The following NDUFA10 variants were observed in gnomAD, a reference collection of about 807,000 sequenced individuals.
NDUFA10 encodes NADH:ubiquinone oxidoreductase subunit A10, also known as NADH dehydrogenase [ubiquinone] 1 alpha subcomplex subunit 10, mitochondrial.
Under a neutral mutation model 47.8 loss-of-function variants are expected in NDUFA10, and 40 were observed. The ratio of observed to expected loss-of-function variants is 0.84; its 90% CI spans 0.65 to 1.09. The LOEUF (loss-of-function observed/expected upper bound fraction) is 1.09, where lower values mean the gene tolerates loss of function less well. NDUFA10 is among the 50% of genes least tolerant of loss of function. The pLI, the probability that NDUFA10 is intolerant of heterozygous loss-of-function variation, is 0.00. For synonymous variants in NDUFA10, 183 were observed against 172.2 expected, an observed-to-expected ratio of 1.06 and a Z score of -0.49; for missense variants, 413 against 451.1, an observed-to-expected ratio of 0.92 and a Z score of 0.76.
At chr2:239,895,725 G>A (rs1015010290) in intron 4 of NDUFA10, among the ~76,000 whole-genome samples, 5 of 152,164 alleles carry the variant, frequency 3.3e-5, no homozygotes, top group Admixed American at 1.3e-4. Context: ...GAGATTACAC[G>A]ATTCCTATTT....
intron 9 of NDUFA10, among the ~76,000 whole-genome samples, chr2:239,982,449 G>A (rs528328227): frequency 6.6e-6 from 1 of 152,274 alleles, no homozygotes; most frequent in Non-Finnish European, 1.5e-5. Context: ...CTAAACCTCA[G>A]AACCTCTAAC....
chr2:239,930,136 C>T (rs1439145545), intron 4 of NDUFA10, among the ~76,000 whole-genome samples: 1 of 147,008 alleles, frequency 6.8e-6, no homozygotes, highest in Non-Finnish European at 1.5e-5. Flanking sequence ...TCCTGCTCCT[C>T]CACTGCCCCT....
intron 4 of NDUFA10, among the ~76,000 whole-genome samples, chr2:239,949,527 G>C (rs188381393): frequency 1.1e-4 from 16 of 152,166 alleles, no homozygotes; most frequent in African/African-American, 3.6e-4. Flanking sequence ...TTTTGCTTTT[G>C]TTTGTTTGTT....
chr2:239,975,635 T>C (rs537303368), intron 9 of NDUFA10, among the ~76,000 whole-genome samples: 1 of 152,344 alleles, frequency 6.6e-6, no homozygotes, highest in Non-Finnish European at 1.5e-5. Flanking sequence ...CCTGGTATTG[T>C]TACCACTGCG....
chr2:239,960,679 C>A lies in NDUFA10; in HGVS notation c.*439G>T. On this transcript the variant is annotated 3_prime_UTR_variant, in exon 10 of 10. Coordinates refer to ENST00000252711, the MANE Select transcript of NDUFA10 (RefSeq NM_004544.4). Reference sequence around the variant, plus strand: ...CCACACCAAACAGGGCCCAGAGCAGCGTGTGTGCACGTGTGCAGTTTCGAC... The same window carrying A: ...CCACACCAAACAGGGCCCAGAGCAGAGTGTGTGCACGTGTGCAGTTTCGAC... 8.9e-7 allele frequency: 1 copy of A among 1,121,166 alleles called. No individual in the cohort carries two copies. Among genetic ancestry groups the A allele is most frequent in the South Asian group, 2.3e-5 (1 of 43,992 alleles). The allele number at this position is 1,121,166 out of a possible 1,614,324, so 69.5% of individuals were successfully genotyped here. A position where few individuals can be genotyped will look rare whatever the true frequency, so the allele number is the denominator to read the frequency against.
In NDUFA10 at chr2:240,016,790, G is replaced by C. The variant is rs1423975356; in HGVS notation, c.547+1763C>G. On this transcript the variant is annotated intron_variant, in intron 4 of 9. Transcript: ENST00000252711. The surrounding 1 kb of genome is among the most constrained non-coding windows in gnomAD (Gnocchi z 4.4). ...CCAACGCCTGCAGACTCCAGCCCAG[G>C]CCAGTCCTCAGACTTCAGCAGACAC... Among the ~76,000 whole-genome samples the C allele has an allele frequency of 6.6e-6, 1 of 152,118 alleles. No homozygotes were observed. Among genetic ancestry groups the C allele is most frequent in the Non-Finnish European group, 1.5e-5 (1 of 68,002 alleles).
chr2:239,899,866 C>T (rs1292472144), intron 4 of NDUFA10, among the ~76,000 whole-genome samples: 1 of 152,008 alleles, frequency 6.6e-6, no homozygotes, highest in Non-Finnish European at 1.5e-5. Context: ...CCATCATCCA[C>T]AGTCACCAGC....
rs1011073077 is a variant in NDUFA10 at position 239,957,743 on chromosome 2, G to A, written c.*3375C>T. 1 of 152,128 alleles carries A rather than the reference G, an allele frequency of 6.6e-6. No individual in the cohort carries two copies. The highest frequency in any genetic ancestry group is 1.5e-5 in the Non-Finnish European group (1 of 68,040). 9.4% of individuals were successfully genotyped at this position (152,128 alleles called of 1,614,324 possible). A position where few individuals can be genotyped will look rare whatever the true frequency, so the allele number is the denominator to read the frequency against. On this transcript the variant is annotated 3_prime_UTR_variant, in exon 10 of 10. Coordinates refer to ENST00000252711, the MANE Select transcript of NDUFA10 (RefSeq NM_004544.4). ...CTCTGAGAACAGCACCACTCTTTTGGGGACAAGTCCATCACTGGAGCTCCC... is the reference window on the plus strand; with the variant it reads ...CTCTGAGAACAGCACCACTCTTTTGAGGACAAGTCCATCACTGGAGCTCCC...
At chr2:239,992,258 A>G (rs149678135) in intron 8 of NDUFA10, among the ~76,000 whole-genome samples, 31 of 152,370 alleles carry the variant, frequency 2.0e-4, no homozygotes, top group Non-Finnish European at 4.4e-4. Flanking sequence ...TAATATCATA[A>G]GTCACTGTCT....
rs763522660 is a variant in NDUFA10, at chr2:240,021,325, T to C, written c.332A>G (p.Asn111Ser). 7.4e-6 allele frequency: 12 copies of C among 1,614,224 alleles called. No individual in the cohort carries two copies. The African/African-American group carries it at 1.3e-4, about 18-fold the overall frequency. ...ATCGTAAAATTTCTCCAAACTACAG[T>C]TGCCATTATAGTCGGTGGCGAGGGG... is the stretch of plus-strand genomic sequence containing the variant. The part of the protein sequence containing the change: ...GKPLATDYNG[N>S]CSLEKFYDDP... Residue 111 changes from asparagine (N) to serine (S), a missense_variant, in exon 3 of 10, where the codon AAC becomes AGC. Asn to Ser is a conservative substitution (Grantham distance 46). Coordinates refer to ENST00000252711, the MANE Select transcript of NDUFA10 (RefSeq NM_004544.4).
intron 4 of NDUFA10, chr2:240,017,861 T>A (rs1368153740): frequency 2.5e-6 from 4 of 1,572,522 alleles, no homozygotes; most frequent in Admixed American, 3.7e-5. Context: ...GTACTTCCTC[T>A]GAGCTCCCAG....
intron 9 of NDUFA10, among the ~76,000 whole-genome samples, chr2:239,980,500 T>C (rs912478972): frequency 1.3e-5 from 2 of 152,188 alleles, no homozygotes; most frequent in African/African-American, 4.8e-5. Context: ...GTTCATTGGG[T>C]AAATACCTAT....
At chr2:240,002,409 T>A (rs1041625631) in intron 8 of NDUFA10, among the ~76,000 whole-genome samples, 35 of 151,956 alleles carry the variant, frequency 2.3e-4, no homozygotes, top group Admixed American at 2.0e-3. Flanking sequence ...GAAGATTTGC[T>A]AGATTCCTTT....
At position 239,945,517 on chromosome 2, in the gene NDUFA10, G is replaced by A. The variant is rs1009960146; in HGVS notation, c.294+44557C>T. Among the ~76,000 whole-genome samples the A allele has an allele frequency of 1.3e-5, 2 of 152,126 alleles. No individual in the cohort carries two copies. The highest frequency in any genetic ancestry group is 2.9e-5 in the Non-Finnish European group (2 of 68,014). ...ACCGCGAGGCTCCCTGCGCCCCACCGAGCCGGTCAGGGCTGCAGTCTACCC... is the reference window on the plus strand; with the variant it reads ...ACCGCGAGGCTCCCTGCGCCCCACCAAGCCGGTCAGGGCTGCAGTCTACCC... On this transcript the variant is annotated intron_variant, in intron 4 of 5. Transcript: ENST00000419408. The surrounding 1 kb of genome is among the most constrained non-coding windows in gnomAD (Gnocchi z 4.6).
chr2:239,997,897 T>C (rs903055093), intron 8 of NDUFA10, among the ~76,000 whole-genome samples: 1 of 152,242 alleles, frequency 6.6e-6, no homozygotes, highest in Non-Finnish European at 1.5e-5. Flanking sequence ...GCCAAACAGT[T>C]TGCCAAGCCC....
intron 5 of NDUFA10, among the ~76,000 whole-genome samples, chr2:239,893,744 G>A (rs184978763): frequency 1.2e-4 from 19 of 152,312 alleles, no homozygotes; most frequent in Middle Eastern, 3.4e-3. Context: ...AATTTTGAGG[G>A]GACACACATC....
intron 9 of NDUFA10, among the ~76,000 whole-genome samples, chr2:239,975,206 G>A (rs1357269584): frequency 1.3e-5 from 2 of 152,218 alleles, no homozygotes; most frequent in Non-Finnish European, 2.9e-5. Context: ...GCCTTATTAG[G>A]ATGTACCTGC....
At chr2:239,966,734 G>T (rs75293257) in intron 9 of NDUFA10, among the ~76,000 whole-genome samples, 1 of 152,028 alleles carries the variant, frequency 6.6e-6, no homozygotes, top group African/African-American at 2.4e-5. Flanking sequence ...CCCACCAACC[G>T]GAAGGCTACA....
intron 3 of NDUFA10, 62 bp downstream of exon 3, chr2:240,021,135 T>G: frequency 1.4e-6 from 2 of 1,416,108 alleles, no homozygotes; most frequent in Non-Finnish European, 2.0e-6. Flanking sequence ...CAATTTAACG[T>G]GGTTGAATTC....
Sources: gnomAD v4.1 joint callset for allele counts (sites outside exome capture counted in the v4.1 genomes callset) on GRCh38, gnomAD v4.1.1 for gene constraint, Gnocchi (gnomAD v3.1) non-coding constraint, MANE v1.5 for transcripts, NCBI Gene and HGNC (gene_info 2026-07-23, HGNC 2026-07-21) for gene names.